The following OPHN1 variants were observed in gnomAD, a reference collection of about 807,000 sequenced individuals.
OPHN1 encodes oligophrenin-1.
Under a neutral mutation model 60.7 loss-of-function variants are expected in OPHN1, and 11 were observed. That is an observed-to-expected ratio of 0.18 (90% CI 0.11 to 0.30). The LOEUF is 0.30. Ranked by LOEUF, OPHN1 falls within the 10% of genes least tolerant of loss-of-function variation. The pLI is 1.00. For missense variants in OPHN1, 449 were observed against 611.0 expected, an observed-to-expected ratio of 0.73 and a Z score of 2.80; for synonymous variants, 226 against 222.6, an observed-to-expected ratio of 1.02 and a Z score of -0.14.
At chrX:68,350,458 T>TCTCCCTC in intron 2 of OPHN1, among the ~76,000 whole-genome samples, 1 of 67,153 alleles carries the variant, frequency 1.5e-5, no homozygotes, top group African/African-American at 7.7e-5. Flanking sequence ...CTCCCTCCCT[T>TCTCCCTC]CCTTCCTTCC....
At chrX:68,306,301 T>C (rs1381729481) in intron 2 of OPHN1, among the ~76,000 whole-genome samples, 2 of 112,440 alleles carry the variant, frequency 1.8e-5, no homozygotes. Context: ...CCCAAGCCTC[T>C]GCATCAAGCT....
chrX:68,388,802 T>C (rs2078637695), intron 2 of OPHN1, among the ~76,000 whole-genome samples: 1 of 110,963 alleles, frequency 9.0e-6, no homozygotes, highest in African/African-American at 3.3e-5. Context: ...TCCCTCTACT[T>C]CACTATATAT....
intron 2 of OPHN1, among the ~76,000 whole-genome samples, chrX:68,428,979 C>A (rs1440714325): frequency 8.9e-6 from 1 of 112,349 alleles, no homozygotes; most frequent in African/African-American, 3.2e-5. Context: ...CATTCACCAA[C>A]AGATATATTA....
At chrX:68,068,704 A>G (rs1308646943) in intron 20 of OPHN1, among the ~76,000 whole-genome samples, 1 of 111,730 alleles carries the variant, frequency 9.0e-6, no homozygotes, top group East Asian at 2.8e-4. Flanking sequence ...TGATCAATGG[A>G]TAAATAAAAT....
rs199840690 is a variant in OPHN1 at position 68,279,097 on chromosome X, C to A, written c.312+3959G>T. Among the ~76,000 whole-genome samples the A allele has an allele frequency of 1.1e-3, 98 of 85,445 alleles. 1 individual carries two copies. In the East Asian group the frequency reaches 0.03, roughly 26 times the overall value. 74.2% of individuals were successfully genotyped at this position (85,445 alleles called of 115,157 possible). ...ATTCAGACTTTTCAAGGCCCTCCCC[C>A]GCTCTTTTTTTTTTTTTTTTTTTTT... On this transcript the variant is annotated intron_variant, in intron 4 of 24. Transcript: ENST00000355520.
intron 2 of OPHN1, among the ~76,000 whole-genome samples, chrX:68,418,060 C>T (rs1326192387): frequency 7.1e-5 from 8 of 112,251 alleles, no homozygotes; most frequent in Non-Finnish European, 1.3e-4. Flanking sequence ...CCCATATTGC[C>T]AGAGGAGCAG....
intron 19 of OPHN1, among the ~76,000 whole-genome samples, chrX:68,091,535 C>T (rs1019923240): frequency 9.0e-6 from 1 of 111,190 alleles, no homozygotes; most frequent in East Asian, 2.8e-4. Context: ...AAACCTGTTA[C>T]CACTACCATG....
At chrX:68,413,151 T>G (rs2078776997) in intron 2 of OPHN1, among the ~76,000 whole-genome samples, 1 of 111,605 alleles carries the variant, frequency 9.0e-6, no homozygotes, top group African/African-American at 3.3e-5. Flanking sequence ...CAGTATGCAA[T>G]AGACCCTATT....
chrX:68,282,730 A>G (rs1055187674), intron 4 of OPHN1, among the ~76,000 whole-genome samples: 4 of 111,858 alleles, frequency 3.6e-5, no homozygotes, highest in Admixed American at 9.5e-5. Context: ...TTAAAGATTA[A>G]CAAATGGATA....
chrX:68,234,699 G>T, intron 5 of OPHN1, 111 bp from the exon 6 acceptor site: 1 of 592,296 alleles, frequency 1.7e-6, no homozygotes, highest in Non-Finnish European at 2.8e-6. Context: ...AATCCCTCTA[G>T]CTCCTGGAAG....
intron 3 of OPHN1, among the ~76,000 whole-genome samples, chrX:68,290,122 T>G (rs1192199431): frequency 9.0e-6 from 1 of 110,944 alleles, no homozygotes; most frequent in Non-Finnish European, 1.9e-5. Flanking sequence ...GGTTATGGAG[T>G]GCATATATGT....
intron 3 of OPHN1, among the ~76,000 whole-genome samples, chrX:68,296,910 A>G (rs2078098657): frequency 9.0e-6 from 1 of 111,163 alleles, no homozygotes; most frequent in South Asian, 3.8e-4. Flanking sequence ...TCTTTTGTTT[A>G]TAAGTCATTT....
intron 2 of OPHN1, among the ~76,000 whole-genome samples, chrX:68,330,919 C>T (rs1336095497): frequency 1.9e-5 from 2 of 104,501 alleles, no homozygotes; most frequent in Non-Finnish European, 3.9e-5. Context: ...AAATATATTA[C>T]ATATTAATAT....
intron 19 of OPHN1, among the ~76,000 whole-genome samples, chrX:68,086,319 T>C (rs1164800862): frequency 9.0e-6 from 1 of 111,074 alleles, no homozygotes; most frequent in Non-Finnish European, 1.9e-5. Context: ...TGTGAAAAGG[T>C]AGTGACAGCA....
chrX:68,243,710 TA>T (rs2077792371), intron 5 of OPHN1, among the ~76,000 whole-genome samples: 1 of 111,931 alleles, frequency 8.9e-6, no homozygotes, highest in African/African-American at 3.2e-5. Context: ...TTTAGCTTAA[TA>T]AAAGCCATGT....
intron 15 of OPHN1, among the ~76,000 whole-genome samples, chrX:68,192,324 C>A (rs893845060): frequency 1.3e-4 from 14 of 110,267 alleles, no homozygotes; most frequent in Non-Finnish European, 2.3e-4. Flanking sequence ...TATAGTGAGA[C>A]CCCATCACTA....
chrX:68,262,858 A>G (rs1020863695), intron 5 of OPHN1, among the ~76,000 whole-genome samples: 2 of 110,932 alleles, frequency 1.8e-5, no homozygotes, highest in Non-Finnish European at 3.8e-5. Flanking sequence ...ACAGGACAGG[A>G]CAGGACAGGA....
intron 20 of OPHN1, chrX:68,070,531 C>T (rs879089976): frequency 1.7e-5 from 11 of 648,605 alleles, no homozygotes; most frequent in East Asian, 6.4e-5. Context: ...TAAATATTGC[C>T]GAGAGCATCC....
rs1407626920 is a variant in OPHN1, at chrX:68,045,101, C to T, written c.*2071G>A. On this transcript the variant is annotated 3_prime_UTR_variant, in exon 25 of 25. Transcript: ENST00000355520. ...GAAACAAGGGCTCAAAAATCACTTC[C>T]TAGGTGAGGTCAGTAAGGCCTCACA... The T allele has an allele frequency of 5.9e-4, 66 of 111,105 alleles. 1 individual carries two copies. In the Admixed American group the frequency reaches 6.3e-3, roughly 11 times the overall value. The allele number at this position is 111,105 out of a possible 1,213,427, so 9.2% of individuals were successfully genotyped here. A position where few individuals can be genotyped will look rare whatever the true frequency, so the allele number is the denominator to read the frequency against.
Sources: gnomAD v4.1 joint callset for allele counts (sites outside exome capture counted in the v4.1 genomes callset) on GRCh38, gnomAD v4.1.1 for gene constraint, MANE v1.5 for transcripts, NCBI Gene and HGNC (gene_info 2026-07-23, HGNC 2026-07-21) for gene names.